GARIN5A: variants seen among roughly 807,000 people sequenced by gnomAD.
GARIN5A encodes golgi associated RAB2 interactor 5A, also known as Golgi-associated RAB2 interactor protein 5A.
At chr19:50,471,847 T>C in the GARIN5A span, among the ~76,000 whole-genome samples, 12 of 150,692 alleles carry the variant, frequency 8.0e-5, no homozygotes, top group Non-Finnish European at 1.2e-4. Flanking sequence ...TCTGTGTGCA[T>C]ACGCATACAT....
the GARIN5A span, chr19:50,467,424 AG>A: frequency 1.6e-6 from 1 of 626,990 alleles, no homozygotes; most frequent in Non-Finnish European, 2.7e-6. Context: ...CCAGGAGTCC[AG>A]GACCCCAGCC....
At chr19:50,475,530 C>G in the GARIN5A span, 4 of 1,395,828 alleles carry the variant, frequency 2.9e-6, no homozygotes, top group Non-Finnish European at 3.9e-6. Flanking sequence ...GGTTAGGAAT[C>G]TTGGTAGGGG....
chr19:50,475,983 G>A, the GARIN5A span: 12 of 1,604,698 alleles, frequency 7.5e-6, no homozygotes, highest in Non-Finnish European at 1.0e-5. Flanking sequence ...GTCGATCCTG[G>A]GAGGCTGTGC....
At chr19:50,467,177 C>A in the GARIN5A span, among the ~76,000 whole-genome samples, 9 of 152,148 alleles carry the variant, frequency 5.9e-5, no homozygotes, top group Non-Finnish European at 1.3e-4. Flanking sequence ...TGACCCCACT[C>A]CTTCAGGGCA....
the GARIN5A span, chr19:50,476,005 A>G: frequency 1.2e-6 from 2 of 1,603,478 alleles, no homozygotes; most frequent in Non-Finnish European, 1.7e-6. Context: ...TGGCTTCCCA[A>G]CTGAGAGGGC....
chr19:50,467,660 G>A, the GARIN5A span: 27 of 1,579,932 alleles, frequency 1.7e-5, no homozygotes, highest in African/African-American at 1.9e-4. Flanking sequence ...GAAGCAGAGA[G>A]GAAGCGCAGG....
At chr19:50,471,632 A>G in the GARIN5A span, among the ~76,000 whole-genome samples, 1 of 137,506 alleles carries the variant, frequency 7.3e-6, no homozygotes, top group Admixed American at 7.5e-5. Context: ...ATGTGTGTAT[A>G]CATGTGTGTA....
the GARIN5A span, among the ~76,000 whole-genome samples, chr19:50,475,091 C>T: frequency 5.0e-4 from 76 of 152,320 alleles, no homozygotes; most frequent in Non-Finnish European, 9.1e-4. Flanking sequence ...TTCTCCTGAC[C>T]GCTGCTGGGG....
the GARIN5A span, chr19:50,476,311 C>CA: frequency 6.3e-7 from 1 of 1,593,926 alleles, no homozygotes; most frequent in Non-Finnish European, 8.6e-7. Context: ...TGACGTCACA[C>CA]AAGAGCGGGC....
At chr19:50,469,503 G>A in the GARIN5A span, among the ~76,000 whole-genome samples, 1 of 152,188 alleles carries the variant, frequency 6.6e-6, no homozygotes, top group Non-Finnish European at 1.5e-5. Flanking sequence ...GGCCTGCTTT[G>A]TCCAGTGGTG....
chr19:50,467,931 C>A, the GARIN5A span: 1 of 979,168 alleles, frequency 1.0e-6, no homozygotes, highest in Non-Finnish European at 1.6e-6. Context: ...CTCTGCCCCA[C>A]GAATCCCTTT....
chr19:50,476,508 C>T, the GARIN5A span: 1 of 1,571,300 alleles, frequency 6.4e-7, no homozygotes, highest in South Asian at 1.1e-5. Context: ...CGGCTCTTGG[C>T]TCACAGCCGT....
chr19:50,475,367 A>G, the GARIN5A span: 2 of 1,607,184 alleles, frequency 1.2e-6, no homozygotes, highest in African/African-American at 2.7e-5. Flanking sequence ...AGGGCCGGCC[A>G]GAAGCAATAG....
At chr19:50,476,363 A>C in the GARIN5A span, 1 of 1,571,438 alleles carries the variant, frequency 6.4e-7, no homozygotes, top group Non-Finnish European at 8.6e-7. Context: ...CGGCTCCTGG[A>C]GATCAGGCCA....
At chr19:50,467,511 C>G in the GARIN5A span, 1 of 1,283,262 alleles carries the variant, frequency 7.8e-7, no homozygotes, top group Non-Finnish European at 1.1e-6. Flanking sequence ...CAGACACCTC[C>G]CCTCTGCCCT....
the GARIN5A span, among the ~76,000 whole-genome samples, chr19:50,472,336 T>C: frequency 6.8e-6 from 1 of 148,144 alleles, no homozygotes; most frequent in African/African-American, 2.5e-5. Flanking sequence ...TATATCTCTC[T>C]GTCAGAAACT....
chr19:50,471,951 C>T, the GARIN5A span, among the ~76,000 whole-genome samples: 1 of 143,642 alleles, frequency 7.0e-6, no homozygotes, highest in African/African-American at 2.7e-5. Context: ...AGTATATATA[C>T]ATGTATGTAT....
the GARIN5A span, chr19:50,476,374 A>G: frequency 4.5e-6 from 7 of 1,565,658 alleles, no homozygotes; most frequent in Non-Finnish European, 6.1e-6. Context: ...GATCAGGCCA[A>G]AGGGGCGGCC....
the GARIN5A span, among the ~76,000 whole-genome samples, chr19:50,471,939 T>A: frequency 1.4e-5 from 2 of 138,848 alleles, no homozygotes; most frequent in African/African-American, 3.1e-5. Flanking sequence ...TGTATGTGTG[T>A]AAGTATATAT....
Sources: allele counts gnomAD v4.1 joint callset (sites outside exome capture counted in the v4.1 genomes callset), GRCh38; gene constraint gnomAD v4.1.1; transcripts MANE v1.5; gene names NCBI Gene and HGNC (gene_info 2026-07-23, HGNC 2026-07-21).